OXSR1: variants seen among roughly 807,000 people sequenced by gnomAD.
OXSR1 encodes serine/threonine-protein kinase OSR1.
OXSR1 carries 24 observed loss-of-function variants against 79.8 expected under a neutral mutation model. That is an observed-to-expected ratio of 0.30 (90% CI 0.22 to 0.42). OXSR1 has a LOEUF of 0.42. Among genes scored for constraint, OXSR1 ranks in the 10% least tolerant of loss-of-function variants. The probability of loss-of-function intolerance (pLI) is 1.00; values close to 1 mark genes in which losing one functional copy is unlikely to be tolerated. For synonymous variants in OXSR1, 226 were observed against 209.2 expected (o/e 1.08, Z -0.69); for missense variants, 430 against 618.4 (o/e 0.70, Z 3.23).
chr3:38,172,193 A>G (rs929848487), intron 1 of OXSR1, among the ~76,000 whole-genome samples: 2 of 152,244 alleles, frequency 1.3e-5, no homozygotes, highest in African/African-American at 4.8e-5. Context: ...GACACTTAAA[A>G]TAGTTTGAAT....
At chr3:38,192,127 A>G (rs370453227) in intron 3 of OXSR1, among the ~76,000 whole-genome samples, 2 of 152,110 alleles carry the variant, frequency 1.3e-5, no homozygotes, top group Non-Finnish European at 2.9e-5. Context: ...TTCAAGTATT[A>G]TTATAGACCC....
Position 38,237,082 on chromosome 3 carries a change from A to C in OXSR1, c.1074+121A>C, listed in dbSNP as rs905150335. On this transcript the variant is annotated intron_variant, in intron 11 of 17. Transcript: ENST00000311806. The stretch of plus-strand genomic sequence containing the variant: ...TTTTCTTGAACAGCTTATTAATAAT[A>C]GGAGCCCAGTTAATTCTGCATGGAA... The C allele has an allele frequency of 6.2e-6, 5 of 803,628 alleles. No homozygotes were observed. The East Asian group carries it at 1.4e-4, about 22-fold the overall frequency. 49.8% of individuals were successfully genotyped at this position (803,628 alleles called of 1,614,324 possible).
rs1164604838 is a variant in OXSR1, at chr3:38,165,575, G to A, written c.-302G>A. ...GGCTGGGGTGGAGGGCGGGACAGAG[G>A]GGCTGGGCCCAGGCAAAGCTTCTGT... On this transcript the variant is annotated 5_prime_UTR_variant, in exon 1 of 18. Coordinates refer to ENST00000311806, the MANE Select transcript of OXSR1 (RefSeq NM_005109.3). The A allele has an allele frequency of 1.5e-5, 6 of 407,140 alleles. No individual in the cohort carries two copies. Among genetic ancestry groups the A allele is most frequent in the Non-Finnish European group, 2.6e-5 (6 of 227,090 alleles). The allele number at this position is 407,140 out of a possible 1,614,324, so 25.2% of individuals were successfully genotyped here.
chr3:38,165,822 G>C lies in OXSR1; in HGVS notation c.-55G>C. On this transcript the variant is annotated 5_prime_UTR_variant, in exon 1 of 18. Coordinates refer to ENST00000311806, the MANE Select transcript of OXSR1 (RefSeq NM_005109.3). The stretch of plus-strand genomic sequence containing the variant: ...TTGGGGGTGGGGAGACGCGCGGCGA[G>C]GAGACGAGCGAGGTCAGCGAGTTTG... The C allele has an allele frequency of 1.4e-6, 2 of 1,460,376 alleles. No homozygotes were observed. Among genetic ancestry groups the C allele is most frequent in the South Asian group, 2.4e-5 (2 of 84,572 alleles). 90.5% of individuals were successfully genotyped at this position (1,460,376 alleles called of 1,614,324 possible).
chr3:38,234,481 A>G (rs555603721), intron 10 of OXSR1, among the ~76,000 whole-genome samples: 1 of 152,368 alleles, frequency 6.6e-6, no homozygotes, highest in East Asian at 1.9e-4. Context: ...TGGCCAATAA[A>G]CACATGAAAA....
chr3:38,249,950 C>G lies in OXSR1; in HGVS notation c.1323-16C>G, dbSNP rs1424700222. On this transcript the variant is annotated splice_polypyrimidine_tract_variant and intron_variant, in intron 14 of 17. Coordinates refer to ENST00000311806, the MANE Select transcript of OXSR1 (RefSeq NM_005109.3). ...TTTAGAAATTCTTATTTTATGCATTCTGCTTTCTTTCATAGGAATTCCAAA... is the reference window on the plus strand; with the variant it reads ...TTTAGAAATTCTTATTTTATGCATTGTGCTTTCTTTCATAGGAATTCCAAA... 4 of 1,478,518 alleles carry G rather than the reference C, an allele frequency of 2.7e-6. No individual in the cohort carries two copies. The highest frequency in any genetic ancestry group is 3.8e-6 in the Non-Finnish European group (4 of 1,063,486). 91.6% of individuals were successfully genotyped at this position (1,478,518 alleles called of 1,614,324 possible).
intron 4 of OXSR1, among the ~76,000 whole-genome samples, chr3:38,201,403 A>G (rs886323940): frequency 4.0e-5 from 6 of 151,482 alleles, no homozygotes; most frequent in Non-Finnish European, 7.4e-5. Context: ...CTCTACAAAA[A>G]AATTTTTTAA....
chr3:38,182,416 A>G (rs564796960), intron 1 of OXSR1, among the ~76,000 whole-genome samples: 3 of 152,294 alleles, frequency 2.0e-5, no homozygotes, highest in Admixed American at 6.5e-5. Flanking sequence ...TGGAAAATGT[A>G]TCTCTCTGCT....
intron 11 of OXSR1, among the ~76,000 whole-genome samples, chr3:38,239,384 C>CG (rs2125848649): frequency 6.6e-6 from 1 of 152,104 alleles, no homozygotes; most frequent in Non-Finnish European, 1.5e-5. Flanking sequence ...GAGCTTTGTT[C>CG]GGGGATACAT....
chr3:38,214,578 CAAAGG>C, intron 4 of OXSR1, among the ~76,000 whole-genome samples: 1 of 152,168 alleles, frequency 6.6e-6, no homozygotes. Flanking sequence ...ATCTTTGTCA[CAAAGG>C]AAAGAGAATG....
chr3:38,223,226 C>T (rs1398179070), intron 6 of OXSR1, among the ~76,000 whole-genome samples: 1 of 152,064 alleles, frequency 6.6e-6, no homozygotes, highest in Non-Finnish European at 1.5e-5. Context: ...GCCTTGAACT[C>T]CTGGGCTCAA....
chr3:38,239,691 A>G (rs1357720639), intron 11 of OXSR1, among the ~76,000 whole-genome samples: 2 of 152,196 alleles, frequency 1.3e-5, no homozygotes, highest in Non-Finnish European at 2.9e-5. Context: ...TATTCTGTCA[A>G]ACATTCAAAA....
Position 38,165,612 on chromosome 3 carries a change from CGGA to C in OXSR1, c.-262_-260del, listed in dbSNP as rs375761846. 5.0e-4 allele frequency: 227 copies of C among 454,848 alleles called. No individual in the cohort carries two copies. In the East Asian group the frequency reaches 7.5e-3, roughly 15 times the overall value. The allele number at this position is 454,848 out of a possible 1,614,324, so 28.2% of individuals were successfully genotyped here. A position where few individuals can be genotyped will look rare whatever the true frequency, so the allele number is the denominator to read the frequency against. ...GGCAAAGCTTCTGTCGCTGCTGCTG[CGGA>C]GGCCGAGGACAGGACGTGGGCTGGG... On this transcript the variant is annotated 5_prime_UTR_variant, in exon 1 of 18. Transcript: ENST00000311806.
At chr3:38,186,889 A>G (rs954394611) in intron 2 of OXSR1, among the ~76,000 whole-genome samples, 2 of 152,138 alleles carry the variant, frequency 1.3e-5, no homozygotes, top group African/African-American at 2.4e-5. Context: ...CTGCCAAGCT[A>G]TTTTCCAAAG....
intron 2 of OXSR1, among the ~76,000 whole-genome samples, chr3:38,188,224 T>TCTCTCATGTGA (rs1701919094): frequency 6.6e-6 from 1 of 152,164 alleles, no homozygotes; most frequent in Non-Finnish European, 1.5e-5. Context: ...ACCCTAACTC[T>TCTCTCATGTGA]TTACATTGTC....
Position 38,223,884 on chromosome 3 carries a change from GC to G in OXSR1, c.674del (p.Ala225ValfsTer9). 1 of 1,604,388 alleles carries G rather than the reference GC, an allele frequency of 6.2e-7. No individual in the cohort carries two copies. Among genetic ancestry groups the G allele is most frequent in the East Asian group, 2.3e-5 (1 of 44,344 alleles). On this transcript the variant is annotated frameshift_variant, in exon 7 of 18. Transcript: ENST00000311806. LOFTEE classifies it high-confidence loss of function. ...AGCAATTGAATTGGCTACAGGGGCG[GC>G]TCCTTATCATAAATATCCACCAATG... ...ITAIELATGA[A>X]PYHKYPPMKV...
intron 13 of OXSR1, 82 bp from the exon 14 acceptor site, chr3:38,247,586 A>G (rs1559529293): frequency 1.0e-6 from 1 of 976,390 alleles, no homozygotes; most frequent in Non-Finnish European, 1.6e-6. Context: ...TGCCAAGTAA[A>G]TGATTCCTCT....
At position 38,226,414 on chromosome 3, in the gene OXSR1, C is replaced by T. The variant is rs868392665; in HGVS notation, c.836+1710C>T. On this transcript the variant is annotated intron_variant, in intron 8 of 17. Coordinates refer to ENST00000311806, the MANE Select transcript of OXSR1 (RefSeq NM_005109.3). ...ATGACAGAAGAACCAAATAGCAATG[C>T]CAGAAATGAAAAATACAGTGATTAA... Among the ~76,000 whole-genome samples the T allele has an allele frequency of 2.0e-5, 3 of 152,050 alleles. No individual in the cohort carries two copies. In the South Asian group the frequency reaches 6.2e-4, roughly 32 times the overall value.
intron 6 of OXSR1, among the ~76,000 whole-genome samples, chr3:38,223,046 C>A (rs909551482): frequency 2.0e-5 from 3 of 151,952 alleles, no homozygotes; most frequent in African/African-American, 7.3e-5. Context: ...TTTGTATTAC[C>A]AAATATATTT....
Sources: gnomAD v4.1 joint callset for allele counts (sites outside exome capture counted in the v4.1 genomes callset) on GRCh38, gnomAD v4.1.1 for gene constraint, MANE v1.5 for transcripts, NCBI Gene and HGNC (gene_info 2026-07-23, HGNC 2026-07-21) for gene names.